Variants in CPSF7 observed in about 807,000 individuals in gnomAD.
The protein encoded by CPSF7 is cleavage and polyadenylation specific factor 7, also known as cleavage and polyadenylation specificity factor subunit 7.
In CPSF7, 1 loss-of-function variant was observed where a neutral mutation model predicts 44.3. The observed-to-expected ratio is 0.02, with a 90% CI of 0.01 to 0.11. The LOEUF (loss-of-function observed/expected upper bound fraction) is 0.11, where lower values mean the gene tolerates loss of function less well. CPSF7 is among the 10% of genes least tolerant of loss of function. The pLI is 1.00. For missense variants in CPSF7, 443 were observed against 607.2 expected (o/e 0.73, Z 2.84); for synonymous variants, 202 against 222.0 (o/e 0.91, Z 0.80).
intron 2 of CPSF7, among the ~76,000 whole-genome samples, chr11:61,425,115 C>A (rs1861236762): frequency 6.6e-6 from 1 of 152,184 alleles, no homozygotes; most frequent in Admixed American, 6.5e-5. Flanking sequence ...AAAATTATCA[C>A]AAGATTTAAA....
At chr11:61,405,919 C>T (rs1415532155) in intron 9 of CPSF7, 1 of 152,162 alleles carries the variant, frequency 6.6e-6, no homozygotes, top group African/African-American at 2.4e-5. Context: ...CCTCAGTGCA[C>T]TCAATTACAT....
At chr11:61,409,727 G>A (rs1859678554) in intron 9 of CPSF7, among the ~76,000 whole-genome samples, 1 of 151,238 alleles carries the variant, frequency 6.6e-6, no homozygotes, top group East Asian at 1.9e-4. Flanking sequence ...TGTAATCCTA[G>A]CACTTTGGGA....
At position 61,427,958 on chromosome 11, in the gene CPSF7, G is replaced by T. The variant is rs1252801324; in HGVS notation, c.54+1224C>A. Reference sequence around the variant, plus strand: ...ATATCAAAGTCAGGGTCAAACCAGGGAACTTTCCCTTTCTAACCCATTCAA... The same window carrying T: ...ATATCAAAGTCAGGGTCAAACCAGGTAACTTTCCCTTTCTAACCCATTCAA... On this transcript the variant is annotated intron_variant, in intron 2 of 9. Coordinates refer to ENST00000439958, the MANE Select transcript of CPSF7 (RefSeq NM_001142565.3). 3.9e-5 allele frequency among the ~76,000 whole-genome samples: 6 copies of T among 152,266 alleles called. No homozygotes were observed. The East Asian group carries it at 1.2e-3, about 29-fold the overall frequency.
At chr11:61,429,636 T>G in intron 1 of CPSF7, 1 of 1,136,728 alleles carries the variant, frequency 8.8e-7, no homozygotes, top group Non-Finnish European at 1.2e-6. Context: ...TGCACCTGCC[T>G]AGCCCCCAAG....
intron 3 of CPSF7, 31 bp from the exon 4 acceptor site, chr11:61,420,604 T>C: frequency 1.3e-6 from 2 of 1,556,604 alleles, no homozygotes; most frequent in Non-Finnish European, 1.8e-6. Context: ...AAGGAAGAGA[T>C]GTCAAGAGCT....
At chr11:61,409,317 C>T (rs376014480) in intron 9 of CPSF7, among the ~76,000 whole-genome samples, 2 of 151,726 alleles carry the variant, frequency 1.3e-5, no homozygotes, top group African/African-American at 2.4e-5. Context: ...ACTGAAAATA[C>T]AAAAATTAGC....
chr11:61,429,264 A>T lies in CPSF7; in HGVS notation c.-29T>A. On this transcript the variant is annotated 5_prime_UTR_variant, in exon 2 of 10. Transcript: ENST00000439958. ...TCCGGAAGGAAGATCGCGAGTCCGG[A>T]GGATGGACAAAGTAAGGAAGATGCC... 6.2e-7 allele frequency: 1 copy of T among 1,613,092 alleles called. No homozygotes were observed. The highest frequency in any genetic ancestry group is 8.5e-7 in the Non-Finnish European group (1 of 1,179,110).
chr11:61,412,530 C>A (rs1416538548), intron 7 of CPSF7, among the ~76,000 whole-genome samples: 1 of 152,194 alleles, frequency 6.6e-6, no homozygotes, highest in East Asian at 1.9e-4. Flanking sequence ...ACCCTGTGAT[C>A]CGCCCGCCTT....
At chr11:61,410,633 A>G (rs1237364520) in intron 9 of CPSF7, 2 of 223,012 alleles carry the variant, frequency 9.0e-6, no homozygotes, top group African/African-American at 4.6e-5. Context: ...ACTGTGGAAC[A>G]GAAAGTAATA....
intron 4 of CPSF7, 122 bp downstream of exon 4, chr11:61,420,347 CA>C: frequency 1.1e-6 from 1 of 926,470 alleles, no homozygotes; most frequent in Non-Finnish European, 1.7e-6. Context: ...GGCAGTTTGC[CA>C]AAACCAAGGC....
At chr11:61,415,863 T>C (rs1002633803) in intron 6 of CPSF7, 79 bp from the exon 7 acceptor site, 1 of 1,104,286 alleles carries the variant, frequency 9.1e-7, no homozygotes, top group Non-Finnish European at 1.4e-6. Flanking sequence ...TTGGTAATTT[T>C]GGCATAACAC....
chr11:61,429,813 A>G (rs1367013371), intron 1 of CPSF7, 101 bp downstream of exon 1: 2 of 1,547,414 alleles, frequency 1.3e-6, no homozygotes, highest in Admixed American at 3.9e-5. Context: ...CTCCGCCCGC[A>G]GACTCCGGCC....
At position 61,409,161 on chromosome 11, in the gene CPSF7, A is replaced by C. The variant is rs180955275; in HGVS notation, c.*5+1777T>G. 2.4e-3 allele frequency among the ~76,000 whole-genome samples: 366 copies of C among 151,518 alleles called. 2 individuals are homozygous for C. The highest frequency in any genetic ancestry group is 8.5e-3 in the African/African-American group (347 of 41,060). ...CAATGTGTCTATTAAAAAAACAAAAACAAAAACAAAACAAAACAAAACAAA... is the reference window on the plus strand; with the variant it reads ...CAATGTGTCTATTAAAAAAACAAAACCAAAAACAAAACAAAACAAAACAAA... On this transcript the variant is annotated intron_variant, in intron 9 of 9. Transcript: ENST00000439958.
chr11:61,417,777 T>C (rs187667723), intron 5 of CPSF7, among the ~76,000 whole-genome samples: 1 of 152,334 alleles, frequency 6.6e-6, no homozygotes, highest in Non-Finnish European at 1.5e-5. Context: ...CTACTACTGT[T>C]GTCACATCTG....
Position 61,403,550 on chromosome 11 carries a change from C to A in CPSF7, c.*1160G>T, listed in dbSNP as rs1017985932. On this transcript the variant is annotated 3_prime_UTR_variant, in exon 10 of 10. Transcript: ENST00000439958. ...CCTCATCTGAGGCAGGAAGTATCTC[C>A]AGGCAGAGTGAGAGGAGCTATTAAG... 6.6e-6 allele frequency: 1 copy of A among 152,184 alleles called. No individual in the cohort carries two copies. The highest frequency in any genetic ancestry group is 1.5e-5 in the Non-Finnish European group (1 of 68,030). The allele number at this position is 152,184 out of a possible 1,614,324, so 9.4% of individuals were successfully genotyped here.
chr11:61,405,648 G>T (rs1454770707), intron 9 of CPSF7, among the ~76,000 whole-genome samples: 1 of 152,208 alleles, frequency 6.6e-6, no homozygotes, highest in Non-Finnish European at 1.5e-5. Flanking sequence ...AAGGGAAAAT[G>T]AGGAATTAGA....
At chr11:61,424,628 T>C (rs890992875) in intron 2 of CPSF7, among the ~76,000 whole-genome samples, 3 of 152,218 alleles carry the variant, frequency 2.0e-5, no homozygotes, top group South Asian at 2.1e-4. Flanking sequence ...AATTTTTGTA[T>C]TTTTAGTAGA....
chr11:61,412,118 G>A (rs544738867), intron 7 of CPSF7, among the ~76,000 whole-genome samples, 181 bp from the exon 8 acceptor site: 8 of 152,194 alleles, frequency 5.3e-5, no homozygotes, highest in African/African-American at 1.9e-4. Flanking sequence ...CCAGCAGTTC[G>A]GAATTTAACA....
intron 7 of CPSF7, among the ~76,000 whole-genome samples, chr11:61,415,238 A>AAAAT (rs1860214208): frequency 6.6e-6 from 1 of 152,134 alleles, no homozygotes; most frequent in Non-Finnish European, 1.5e-5. Context: ...ACTCCCTCTC[A>AAAAT]AAACAAACAA....
Sources: allele counts gnomAD v4.1 joint callset (sites outside exome capture counted in the v4.1 genomes callset), GRCh38; gene constraint gnomAD v4.1.1; transcripts MANE v1.5; gene names NCBI Gene and HGNC (gene_info 2026-07-23, HGNC 2026-07-21).